The following CHST7 variants were observed in gnomAD, a reference collection of about 807,000 sequenced individuals.
CHST7 encodes carbohydrate sulfotransferase 7.
CHST7 carries 5 observed loss-of-function variants against 9.0 expected under a neutral mutation model. That is an observed-to-expected ratio of 0.56 (90% CI 0.29 to 1.17). The LOEUF is 1.17. Among genes scored for constraint, CHST7 ranks in the 50% most tolerant of loss-of-function variants. CHST7 has a pLI of 0.08. For missense variants in CHST7, 377 were observed against 485.1 expected, an observed-to-expected ratio of 0.78 and a Z score of 2.09; for synonymous variants, 244 against 237.1, an observed-to-expected ratio of 1.03 and a Z score of -0.27.
intron 1 of CHST7, among the ~76,000 whole-genome samples, chrX:46,593,296 C>T (rs1201070146): frequency 1.8e-5 from 2 of 111,822 alleles, no homozygotes; most frequent in South Asian, 3.7e-4. Context: ...ACTATAGACT[C>T]GTCCATTTCT....
At chrX:46,575,538 A>T in intron 1 of CHST7, 115 bp downstream of exon 1, 1 of 630,563 alleles carries the variant, frequency 1.6e-6, no homozygotes, top group African/African-American at 2.3e-5. Context: ...ATTCTATCAG[A>T]TCAGGTCCAA....
intron 1 of CHST7, among the ~76,000 whole-genome samples, chrX:46,576,494 T>A (rs950674697): frequency 2.7e-5 from 3 of 111,811 alleles, no homozygotes; most frequent in African/African-American, 9.8e-5. Flanking sequence ...AAGTGGGGCT[T>A]AAACAGTCTC....
intron 1 of CHST7, among the ~76,000 whole-genome samples, chrX:46,594,759 CT>C (rs1015718731): frequency 9.4e-6 from 1 of 106,232 alleles, no homozygotes; most frequent in Non-Finnish European, 2.0e-5. Context: ...TTGAGCTTTT[CT>C]TCTTTGGGGT....
intron 1 of CHST7, among the ~76,000 whole-genome samples, chrX:46,585,661 C>T (rs1013029457): frequency 7.1e-5 from 8 of 112,327 alleles, no homozygotes; most frequent in Non-Finnish European, 7.5e-5. Context: ...TGGCCAAAAA[C>T]GTACACATCC....
Position 46,574,213 on chromosome X carries a change from G to C in CHST7, c.282G>C (p.Gly94=), listed in dbSNP as rs755895426. The C allele has an allele frequency of 8.3e-7, 1 of 1,208,293 alleles. No individual in the cohort carries two copies. The highest frequency in any genetic ancestry group is 1.1e-6 in the Non-Finnish European group (1 of 893,354). ...RFPSNLSGAV[G]EAVSREKQHI... is the part of the protein sequence containing the mutation. ...CAAGCAACCTCAGCGGCGCTGTCGG[G>C]GAGGCAGTGTCTCGCGAGAAGCAGC... The change falls in exon 1 of 2, where the codon GGG becomes GGC. Residue 94 remains glycine (G), a synonymous_variant. Transcript: ENST00000276055.
rs1270215992 is a variant in CHST7 at position 46,575,261 on chromosome X, C to T, written c.1330C>T (p.Arg444Cys). Residue 444 changes from arginine (R) to cysteine (C), a missense_variant, in exon 1 of 2, where the codon CGC becomes TGC. Around this residue, in one of 3 missense-constraint regions of CHST7, gnomAD observed 130 missense variants for 134.9 expected, o/e 0.96. Transcript: ENST00000276055. ...CGAGCGCCTGAGCCGAGAGCAGGTG[C>T]GCCAGGTGGAGGCCGCCTGCGCTCC... ...WRERLSREQVRQVEAACAPAM... is the reference protein window; with the variant it reads ...WRERLSREQVCQVEAACAPAM... 3 of 1,106,072 alleles carry T rather than the reference C, an allele frequency of 2.7e-6. No homozygotes were observed. Among genetic ancestry groups the T allele is most frequent in the Admixed American group, 3.1e-5 (1 of 32,578 alleles). 91.2% of individuals were successfully genotyped at this position (1,106,072 alleles called of 1,213,427 possible).
At chrX:46,588,336 G>A (rs1202474105) in intron 1 of CHST7, among the ~76,000 whole-genome samples, 1 of 111,742 alleles carries the variant, frequency 8.9e-6, no homozygotes, top group Non-Finnish European at 1.9e-5. Context: ...GAAGGCCACT[G>A]AGAGAGGCAG....
rs1440505017 is a variant in CHST7 at position 46,573,906 on chromosome X, G to GA, written c.-25dup. The GA allele has an allele frequency of 3.5e-6, 4 of 1,153,119 alleles. No individual in the cohort carries two copies. In the African/African-American group the frequency reaches 7.2e-5, roughly 21 times the overall value. ...GAGGAACGGGAGAAGACTGGCGCCCGACCCGCTCTGGAGGGTCGGTGAACG... is the reference window on the plus strand; with the variant it reads ...GAGGAACGGGAGAAGACTGGCGCCCGAACCCGCTCTGGAGGGTCGGTGAACG... On this transcript the variant is annotated 5_prime_UTR_variant, in exon 1 of 2. An upstream open reading frame in the 5' UTR loses its in-frame stop. Transcript: ENST00000276055.
intron 1 of CHST7, among the ~76,000 whole-genome samples, chrX:46,580,357 C>G (rs750601156): frequency 9.0e-6 from 1 of 111,414 alleles, no homozygotes; most frequent in Non-Finnish European, 1.9e-5. Flanking sequence ...CGTGCCCAGC[C>G]CAGAATGGAC....
intron 1 of CHST7, among the ~76,000 whole-genome samples, chrX:46,579,231 G>C (rs1420039978): frequency 8.9e-6 from 1 of 112,289 alleles, no homozygotes; most frequent in African/African-American, 3.2e-5. Context: ...CAGATGTAGA[G>C]TGTTATTATG....
intron 1 of CHST7, among the ~76,000 whole-genome samples, chrX:46,584,539 A>AAAAAG (rs1942539969): frequency 9.3e-6 from 1 of 107,864 alleles, no homozygotes. Flanking sequence ...CTGTCTCAAA[A>AAAAAG]AAAAAAAAAA....
rs754527208 is a variant in CHST7 at position 46,574,989 on chromosome X, T to G, written c.1058T>G (p.Leu353Arg). The G allele has an allele frequency of 2.6e-6, 3 of 1,144,235 alleles. No individual in the cohort carries two copies. In the Admixed American group the frequency reaches 8.4e-5, roughly 32 times the overall value. 94.3% of individuals were successfully genotyped at this position (1,144,235 alleles called of 1,213,427 possible). A position where few individuals can be genotyped will look rare whatever the true frequency, so the allele number is the denominator to read the frequency against. The change falls in exon 1 of 2, where the codon CTG becomes CGG. Residue 353 changes from leucine to arginine, a missense_variant. By Grantham distance (102) the Leu-to-Arg change is moderately radical. Coordinates refer to ENST00000276055, the MANE Select transcript of CHST7 (RefSeq NM_019886.4). ...GALEVICEAWLRDLLFARGAP... is the reference protein window; with the variant it reads ...GALEVICEAWRRDLLFARGAP... ...CTCGAGGTGATCTGCGAAGCCTGGC[T>G]GCGCGATCTGCTTTTCGCGCGCGGC...
chrX:46,589,596 AT>A (rs1260376594), intron 1 of CHST7, among the ~76,000 whole-genome samples: 1 of 111,212 alleles, frequency 9.0e-6, no homozygotes, highest in Non-Finnish European at 1.9e-5. Context: ...TCTATTTAAG[AT>A]TCTGGGGACT....
chrX:46,573,931 G>C lies in CHST7; in HGVS notation c.-1G>C. The C allele has an allele frequency of 8.6e-7, 1 of 1,156,191 alleles. No homozygotes were observed. Among genetic ancestry groups the C allele is most frequent in the Non-Finnish European group, 1.1e-6 (1 of 872,866 alleles). ...GACCCGCTCTGGAGGGTCGGTGAAC[G>C]ATGAAGGGCCGGCGGCGGCGACGCC... On this transcript the variant is annotated 5_prime_UTR_variant, in exon 1 of 2. Transcript: ENST00000276055.
chrX:46,585,293 TTC>T (rs1438000687), intron 1 of CHST7, among the ~76,000 whole-genome samples: 2,585 of 29,916 alleles, frequency 0.086, 120 homozygotes, highest in African/African-American at 0.41. Flanking sequence ...TTCTTTTCTT[TTC>T]TTTTTTTTTT....
chrX:46,590,802 CA>C (rs1191602858), intron 1 of CHST7, among the ~76,000 whole-genome samples: 1 of 111,805 alleles, frequency 8.9e-6, no homozygotes, highest in African/African-American at 3.3e-5. Flanking sequence ...TCCATCAACA[CA>C]AAAAAACTCT....
At position 46,574,894 on chromosome X, in the gene CHST7, T is replaced by C; in HGVS notation, c.963T>C (p.Gly321=). Residue 321 remains glycine (G), a synonymous_variant, in exon 1 of 2, where the codon GGT becomes GGC. Transcript: ENST00000276055. ...FHRVLLAHGV[G]ARPGGQSRAL... ...GTGTGCTGCTGGCGCACGGCGTGGG[T>C]GCTCGCCCCGGGGGCCAGTCTCGCG... is the stretch of plus-strand genomic sequence containing the variant. 1 of 1,158,311 alleles carries C rather than the reference T, an allele frequency of 8.6e-7. No individual in the cohort carries two copies.
intron 1 of CHST7, among the ~76,000 whole-genome samples, chrX:46,596,714 G>A (rs752516708): frequency 3.6e-5 from 4 of 111,332 alleles, no homozygotes; most frequent in African/African-American, 9.8e-5. Flanking sequence ...GGGAGGCCAA[G>A]ATGGGTGGAT....
intron 1 of CHST7, among the ~76,000 whole-genome samples, chrX:46,582,124 T>C (rs151054649): frequency 0.023 from 2,599 of 111,826 alleles, 71 homozygotes; most frequent in African/African-American, 0.08. Flanking sequence ...TTAATAGCTA[T>C]ATTGTATTTC....
Sources: gnomAD v4.1 joint callset for allele counts (sites outside exome capture counted in the v4.1 genomes callset) on GRCh38, gnomAD v4.1.1 for gene constraint, gnomAD v4.1.1 regional missense constraint, MANE v1.5 for transcripts, NCBI Gene and HGNC (gene_info 2026-07-23, HGNC 2026-07-21) for gene names.